The following CHD3 variants were observed in gnomAD, a reference collection of about 807,000 sequenced individuals.
The protein encoded by CHD3 is ATP-dependent chromatin remodeler CHD3.
Under a neutral mutation model 248.9 loss-of-function variants are expected in CHD3, and 52 were observed. That is an observed-to-expected ratio of 0.21 (90% CI 0.17 to 0.26). CHD3 has a LOEUF of 0.26. CHD3 is among the 10% of genes least tolerant of loss of function. The pLI, the probability that CHD3 is intolerant of heterozygous loss-of-function variation, is 1.00. For synonymous variants in CHD3, 985 were observed against 985.2 expected (o/e 1.00, Z 0.00); for missense variants, 1,482 against 2,605.8 (o/e 0.57, Z 9.39).
At position 7,893,789 on chromosome 17, in the gene CHD3, C is replaced by A. The variant is rs370187934; in HGVS notation, c.794-16C>A. ...ACCTCTCCTTTTTCCTCTTCTCACCCCGACTCCTCATTCAGGTCCAGGCCA... is the reference window on the plus strand; with the variant it reads ...ACCTCTCCTTTTTCCTCTTCTCACCACGACTCCTCATTCAGGTCCAGGCCA... On this transcript the variant is annotated splice_polypyrimidine_tract_variant and intron_variant, in intron 5 of 39. Transcript: ENST00000330494. The A allele has an allele frequency of 6.3e-5, 102 of 1,612,614 alleles. No homozygotes were observed. Among genetic ancestry groups the A allele is most frequent in the Non-Finnish European group, 8.3e-5 (98 of 1,179,674 alleles).
chr17:7,894,322 T>C, intron 7 of CHD3, 57 bp downstream of exon 7: 3 of 1,594,606 alleles, frequency 1.9e-6, no homozygotes, highest in Non-Finnish European at 2.6e-6. Context: ...CATTCTTATT[T>C]TCAATTTTGA....
At position 7,900,810 on chromosome 17, in the gene CHD3, C is replaced by A; in HGVS notation, c.2979-42C>A. ...TCCAAGTGCAATATCATAATTGCTT[C>A]CTTTATTTATGTTTCTTTTACACCC... is the stretch of plus-strand genomic sequence containing the variant. On this transcript the variant is annotated intron_variant, in intron 18 of 39. Transcript: ENST00000330494. This position sits in a 1 kb window ranked among gnomAD's most constrained non-coding sequence, Gnocchi z 6.5. The A allele has an allele frequency of 1.2e-6, 2 of 1,611,246 alleles. No individual in the cohort carries two copies. Among genetic ancestry groups the A allele is most frequent in the African/African-American group, 2.7e-5 (2 of 74,804 alleles).
At position 7,898,107 on chromosome 17, in the gene CHD3, G is replaced by A; in HGVS notation, c.2051+5G>A. 2 of 1,612,418 alleles carry A rather than the reference G, an allele frequency of 1.2e-6. No individual in the cohort carries two copies. Among genetic ancestry groups the A allele is most frequent in the Non-Finnish European group, 1.7e-6 (2 of 1,179,350 alleles). On this transcript the variant is annotated splice_donor_5th_base_variant and intron_variant, in intron 12 of 39. Coordinates refer to ENST00000330494, the MANE Select transcript of CHD3 (RefSeq NM_001005273.3). ...GCAAAGCTACTGGAGACACCGGTGA[G>A]GGAATGAGCTTGTGGATTCAAGGGA...
chr17:7,901,823 T>C (rs1347567721), intron 20 of CHD3, among the ~76,000 whole-genome samples: 1 of 152,138 alleles, frequency 6.6e-6, no homozygotes, highest in Non-Finnish European at 1.5e-5. Context: ...TGATGCCTGT[T>C]CTTAAGGTTG....
chr17:7,901,456 TC>T, intron 20 of CHD3, 81 bp downstream of exon 20: 2 of 1,303,026 alleles, frequency 1.5e-6, no homozygotes, highest in Admixed American at 2.4e-5. Flanking sequence ...CTTACGGTCT[TC>T]CTGTGGCTGC....
At chr17:7,902,822 T>C in intron 21 of CHD3, 95 bp downstream of exon 21, 2 of 1,579,778 alleles carry the variant, frequency 1.3e-6, no homozygotes, top group African/African-American at 1.4e-5. Context: ...TGGGGGACAT[T>C]GGAAACTTAG....
At position 7,897,275 on chromosome 17, in the gene CHD3, C is replaced by T. The variant is rs748967512; in HGVS notation, c.1900C>T (p.His634Tyr). ...FGIKPEWMTVHRIINHSVDKK... is the reference protein window; with the variant it reads ...FGIKPEWMTVYRIINHSVDKK... ...CATCAAGCCAGAGTGGATGACCGTCCACCGCATCATCAACCACAGGTGAAT... is the reference window on the plus strand; with the variant it reads ...CATCAAGCCAGAGTGGATGACCGTCTACCGCATCATCAACCACAGGTGAAT... Residue 634 changes from histidine (H) to tyrosine (Y), a missense_variant, in exon 11 of 40, where the codon CAC (histidine) becomes TAC (tyrosine). Physicochemically the swap from His to Tyr is moderately conservative, Grantham distance 83. Coordinates refer to ENST00000330494, the MANE Select transcript of CHD3 (RefSeq NM_001005273.3). This position sits in a 1 kb window ranked among gnomAD's most constrained non-coding sequence, Gnocchi z 4.8. The T allele has an allele frequency of 5.6e-6, 9 of 1,613,796 alleles. No individual in the cohort carries two copies. The highest frequency in any genetic ancestry group is 1.7e-5 in the Admixed American group (1 of 60,014).
chr17:7,893,631 A>C, intron 5 of CHD3, 62 bp downstream of exon 5: 1 of 1,529,744 alleles, frequency 6.5e-7, no homozygotes, highest in Non-Finnish European at 8.8e-7. Flanking sequence ...TTCACATTAG[A>C]GTCTGGAACT....
Position 7,900,060 on chromosome 17 carries a change from A to G in CHD3, c.2682+27A>G, listed in dbSNP as rs1970127137. The G allele has an allele frequency of 1.3e-6, 2 of 1,581,424 alleles. No homozygotes were observed. The highest frequency in any genetic ancestry group is 1.1e-5 in the South Asian group (1 of 87,594). On this transcript the variant is annotated intron_variant, in intron 16 of 39. Coordinates refer to ENST00000330494, the MANE Select transcript of CHD3 (RefSeq NM_001005273.3). This position sits in a 1 kb window ranked among gnomAD's most constrained non-coding sequence, Gnocchi z 6.5. ...TGAGTGAGGTTTCCAGACCTAAAAA[A>G]CTTGAAGTTGTGGACTTCCCACTTG...
rs1450186020 is a variant in CHD3, at chr17:7,910,707, C to G, written c.5754+116C>G. 6.6e-7 allele frequency: 1 copy of G among 1,508,828 alleles called. No homozygotes were observed. The highest frequency in any genetic ancestry group is 8.9e-7 in the Non-Finnish European group (1 of 1,119,548). 93.5% of individuals were successfully genotyped at this position (1,508,828 alleles called of 1,614,324 possible). ...GAAAAACAACTTGCTAGAACACAGT[C>G]ATCACCCTTGAGTGAGTCTCCCTGC... On this transcript the variant is annotated intron_variant, in intron 38 of 39. Transcript: ENST00000330494. The surrounding 1 kb of genome is among the most constrained non-coding windows in gnomAD (Gnocchi z 4.7).
Position 7,893,853 on chromosome 17 carries a change from G to C in CHD3, c.842G>C (p.Arg281Pro). ...RSKSPRVPDG[R>P]KKLRGKKMAP... ...AAGAGCCCCCGAGTGCCTGATGGAC[G>C]CAAGAAGCTTCGGGGAAAGAAAATG... is the stretch of plus-strand genomic sequence containing the variant. Residue 281 changes from arginine (R) to proline (P), a missense_variant, in exon 6 of 40, where the codon CGC becomes CCC. Arg to Pro is a moderately radical substitution (Grantham distance 103). Around this residue, in one of 20 missense-constraint regions of CHD3, gnomAD observed 149 missense variants for 182.6 expected, o/e 0.82. Transcript: ENST00000330494. The C allele has an allele frequency of 2.5e-6, 4 of 1,613,786 alleles. No individual in the cohort carries two copies. The highest frequency in any genetic ancestry group is 3.4e-6 in the Non-Finnish European group (4 of 1,179,914).
At chr17:7,902,508 A>G (rs1970438649) in intron 20 of CHD3, 102 bp from the exon 21 acceptor site, 3 of 664,166 alleles carry the variant, frequency 4.5e-6, no homozygotes, top group South Asian at 4.0e-5. Context: ...GCAGGGGTTC[A>G]GGTGTAAAGA....
rs994082608 is a variant in CHD3, at chr17:7,897,360, C to T, written c.1919+66C>T. The T allele has an allele frequency of 3.7e-6, 5 of 1,351,142 alleles. No homozygotes were observed. The African/African-American group carries it at 5.7e-5, about 15-fold the overall frequency. 83.7% of individuals were successfully genotyped at this position (1,351,142 alleles called of 1,614,324 possible). ...CATTATTCTTACCATGGTGATGGCC[C>T]CATGTTAGTATTTGCTGATTAACCA... On this transcript the variant is annotated intron_variant, in intron 11 of 39. Coordinates refer to ENST00000330494, the MANE Select transcript of CHD3 (RefSeq NM_001005273.3). This position sits in a 1 kb window ranked among gnomAD's most constrained non-coding sequence, Gnocchi z 4.8.
rs369508268 is a variant in CHD3 at position 7,889,797 on chromosome 17, A to G, written c.213+21A>G. 7.6e-6 allele frequency: 12 copies of G among 1,588,728 alleles called. No homozygotes were observed. The African/African-American group carries it at 1.2e-4, about 16-fold the overall frequency. On this transcript the variant is annotated intron_variant, in intron 2 of 39. Coordinates refer to ENST00000330494, the MANE Select transcript of CHD3 (RefSeq NM_001005273.3). This position sits in a 1 kb window ranked among gnomAD's most constrained non-coding sequence, Gnocchi z 4.5. ...AGCGTGTAAGTGTCAAGAATTCCTA[A>G]CTCTGTGGCAAGGCTCAAGAGACCC...
Position 7,910,503 on chromosome 17 carries a change from T to C in CHD3, c.5666T>C (p.Ile1889Thr), listed in dbSNP as rs1481419677. 1 of 1,614,016 alleles carries C rather than the reference T, an allele frequency of 6.2e-7. No individual in the cohort carries two copies. The highest frequency in any genetic ancestry group is 8.5e-7 in the Non-Finnish European group (1 of 1,180,014). ...VTRLPATLSR[I>T]PPIAARLQMS... Reference sequence around the variant, plus strand: ...CGCCTGCCAGCCACGCTGTCCCGAATACCCCCCATCGCAGCCCGCCTTCAG... The same window carrying C: ...CGCCTGCCAGCCACGCTGTCCCGAACACCCCCCATCGCAGCCCGCCTTCAG... Residue 1889 changes from isoleucine to threonine, a missense_variant, in exon 38 of 40, where the codon ATA becomes ACA. This residue lies in a region of CHD3 where 83 missense variants were observed against 181.0 expected (regional missense o/e 0.46). Coordinates refer to ENST00000330494, the MANE Select transcript of CHD3 (RefSeq NM_001005273.3). This position sits in a 1 kb window ranked among gnomAD's most constrained non-coding sequence, Gnocchi z 4.7.
At chr17:7,894,697 G>C in intron 8 of CHD3, 89 bp downstream of exon 8, 2 of 1,439,804 alleles carry the variant, frequency 1.4e-6, no homozygotes, top group East Asian at 4.6e-5. Context: ...CCTGCCCCCA[G>C]ATGGCTGGAC....
At chr17:7,888,734 G>T, upstream of CHD3, 1 of 1,098,862 alleles carries the variant, frequency 9.1e-7, no homozygotes, top group Non-Finnish European at 1.2e-6. Flanking sequence ...GTGGGTGCGC[G>T]CGTGCGCGCG....
Position 7,908,926 on chromosome 17 carries a change from G to A in CHD3, c.5394+97G>A, listed in dbSNP as rs561672253. 6 of 1,523,792 alleles carry A rather than the reference G, an allele frequency of 3.9e-6. No homozygotes were observed. The South Asian group carries it at 5.9e-5, about 15-fold the overall frequency. The allele number at this position is 1,523,792 out of a possible 1,614,324, so 94.4% of individuals were successfully genotyped here. ...ACCTAGGGAAGGTTAACACCTTCAGGGCTGAGGTGATACCTGGGGCCAAGA... is the reference window on the plus strand; with the variant it reads ...ACCTAGGGAAGGTTAACACCTTCAGAGCTGAGGTGATACCTGGGGCCAAGA... On this transcript the variant is annotated intron_variant, in intron 36 of 39. Coordinates refer to ENST00000330494, the MANE Select transcript of CHD3 (RefSeq NM_001005273.3). This position sits in a 1 kb window ranked among gnomAD's most constrained non-coding sequence, Gnocchi z 5.8.
chr17:7,886,821 G>T (rs1968029509), upstream of CHD3, among the ~76,000 whole-genome samples: 2 of 152,130 alleles, frequency 1.3e-5, no homozygotes, highest in Admixed American at 1.3e-4. The surrounding 1 kb of genome is among the most constrained non-coding windows in gnomAD (Gnocchi z 4.2). Flanking sequence ...CTGGGGTGGG[G>T]TGGTGTGGGT....
Sources: allele counts gnomAD v4.1 joint callset (sites outside exome capture counted in the v4.1 genomes callset), GRCh38; gene constraint gnomAD v4.1.1; regional missense constraint gnomAD v4.1.1; non-coding constraint Gnocchi (gnomAD v3.1); transcripts MANE v1.5; gene names NCBI Gene and HGNC (gene_info 2026-07-23, HGNC 2026-07-21).